HLCS: variants seen among roughly 807,000 people sequenced by gnomAD.
HLCS encodes the protein holocarboxylase synthetase, also known as biotin--protein ligase.
A neutral mutation model predicts 75.0 loss-of-function variants in HLCS; 53 were observed. The observed-to-expected ratio is 0.71, with a 90% CI of 0.57 to 0.89. The LOEUF (loss-of-function observed/expected upper bound fraction) is 0.89, where lower values mean the gene tolerates loss of function less well. Among genes scored for constraint, HLCS ranks in the 40% least tolerant of loss-of-function variants. HLCS has a pLI of 0.00. For missense variants in HLCS, 966 were observed against 1,074.0 expected (o/e 0.90, Z 1.41); for synonymous variants, 431 against 428.6 (o/e 1.01, Z -0.07).
chr21:36,898,446 C>CAAAAAAAAAAAAAAA (rs58625493), intron 5 of HLCS, among the ~76,000 whole-genome samples: 4 of 49,522 alleles, frequency 8.1e-5, no homozygotes, highest in Non-Finnish European at 1.1e-4. Context: ...AACTCCATCT[C>CAAAAAAAAAAAAAAA]AAAAAAAAAA....
intron 4 of HLCS, among the ~76,000 whole-genome samples, chr21:36,932,113 G>C (rs546083815): frequency 2.0e-5 from 3 of 152,184 alleles, no homozygotes; most frequent in South Asian, 4.1e-4. Context: ...TTCCAGCCAC[G>C]CGGCCACCCA....
At chr21:36,789,008 T>C (rs1002594407) in intron 6 of HLCS, among the ~76,000 whole-genome samples, 1 of 152,236 alleles carries the variant, frequency 6.6e-6, no homozygotes, top group Non-Finnish European at 1.5e-5. Flanking sequence ...GCATCTCCTA[T>C]GGCCATAACA....
chr21:36,816,452 G>A (rs538087291), intron 6 of HLCS, among the ~76,000 whole-genome samples: 35 of 151,882 alleles, frequency 2.3e-4, no homozygotes, highest in African/African-American at 7.5e-4. Context: ...ACTTAATAAC[G>A]TATGTCTAGG....
chr21:36,976,891 G>A (rs2068953330), intron 1 of HLCS, among the ~76,000 whole-genome samples: 1 of 151,882 alleles, frequency 6.6e-6, no homozygotes, highest in Non-Finnish European at 1.5e-5. Flanking sequence ...AGGGACACAA[G>A]CCAGATCATC....
chr21:36,805,409 G>A (rs531544668), intron 6 of HLCS, among the ~76,000 whole-genome samples: 7 of 152,282 alleles, frequency 4.6e-5, no homozygotes, highest in Admixed American at 6.5e-5. Context: ...GGCTCCGGGC[G>A]CTGTGTTTAC....
In HLCS at chr21:36,989,314, CTTTTT is replaced by C. The variant is rs35073331; in HGVS notation, c.-393+839_-393+843del. ...GCGTGAGCCACAGTGTCTGGCCCAT[CTTTTT>C]TTTTTTTTTTTTTTTTTTTAATGAG... On this transcript the variant is annotated intron_variant, in intron 1 of 11. Coordinates refer to the HLCS transcript ENST00000336648. 2.1e-3 allele frequency among the ~76,000 whole-genome samples: 166 copies of C among 80,016 alleles called. 2 individuals are homozygous for C. The highest frequency in any genetic ancestry group is 7.3e-3 in the African/African-American group (142 of 19,348). 52.5% of individuals were successfully genotyped at this position (80,016 alleles called of 152,430 possible).
At chr21:36,793,120 G>A (rs759967877) in intron 6 of HLCS, among the ~76,000 whole-genome samples, 50 of 152,040 alleles carry the variant, frequency 3.3e-4, no homozygotes, top group Non-Finnish European at 6.0e-4. Context: ...GAGTTGTTGA[G>A]ATCTTTAGTT....
At chr21:36,872,841 AT>A (rs757681164) in intron 6 of HLCS, among the ~76,000 whole-genome samples, 5 of 152,200 alleles carry the variant, frequency 3.3e-5, no homozygotes, top group Non-Finnish European at 7.3e-5. Flanking sequence ...TTGGGTAAAT[AT>A]CTAGGGATGG....
At position 36,754,108 on chromosome 21, in the gene HLCS, A is replaced by C; in HGVS notation, c.*138T>G. On this transcript the variant is annotated 3_prime_UTR_variant, in exon 11 of 11. Coordinates refer to ENST00000674895, the MANE Select transcript of HLCS (RefSeq NM_001352514.2). ...AAGAAAACGACAACAAAACAAACCT[A>C]AAAACAAACAGAAACACAGAAAAAG... The C allele has an allele frequency of 1.0e-6, 1 of 986,658 alleles. No individual in the cohort carries two copies. 61.1% of individuals were successfully genotyped at this position (986,658 alleles called of 1,614,324 possible).
At chr21:36,976,392 TCACA>T (rs146534374) in intron 1 of HLCS, among the ~76,000 whole-genome samples, 2 of 140,472 alleles carry the variant, frequency 1.4e-5, no homozygotes, top group East Asian at 2.2e-4. Flanking sequence ...AGGAAGTCAG[TCACA>T]CACACACACA....
chr21:36,885,962 G>A (rs1205202840), intron 6 of HLCS, among the ~76,000 whole-genome samples: 1 of 152,154 alleles, frequency 6.6e-6, no homozygotes, highest in African/African-American at 2.4e-5. Context: ...AGGGCCAGCA[G>A]GACCCCATCC....
chr21:36,955,480 A>AT (rs958660967), intron 2 of HLCS, among the ~76,000 whole-genome samples: 5 of 151,626 alleles, frequency 3.3e-5, no homozygotes, highest in Non-Finnish European at 5.9e-5. Context: ...TAAAAACAAA[A>AT]TTTTTTTTTA....
At chr21:36,939,439 G>A (rs1469117469) in intron 2 of HLCS, among the ~76,000 whole-genome samples, 1 of 152,196 alleles carries the variant, frequency 6.6e-6, no homozygotes, top group African/African-American at 2.4e-5. Context: ...GGGAGCACAT[G>A]AGACCTTCAG....
At chr21:36,984,074 A>G (rs1458005182) in intron 1 of HLCS, among the ~76,000 whole-genome samples, 3 of 152,100 alleles carry the variant, frequency 2.0e-5, no homozygotes, top group Non-Finnish European at 4.4e-5. Flanking sequence ...CCTGGCCTCA[A>G]ACGATCTAAC....
intron 6 of HLCS, among the ~76,000 whole-genome samples, chr21:36,806,931 C>T (rs930880543): frequency 7.2e-5 from 11 of 152,208 alleles, no homozygotes; most frequent in African/African-American, 1.2e-4. Context: ...GTGGCTCCGC[C>T]TCCACTTTGT....
At chr21:36,826,445 C>G (rs1282250150) in intron 6 of HLCS, among the ~76,000 whole-genome samples, 1 of 152,196 alleles carries the variant, frequency 6.6e-6, no homozygotes, top group African/African-American at 2.4e-5. Context: ...CTGGAGCAGG[C>G]AGGATCAACC....
intron 6 of HLCS, among the ~76,000 whole-genome samples, chr21:36,831,273 T>C (rs981572473): frequency 7.9e-5 from 12 of 152,326 alleles, no homozygotes; most frequent in African/African-American, 2.6e-4. Flanking sequence ...TGACAAGTTA[T>C]GCAAAACGTT....
intron 2 of HLCS, among the ~76,000 whole-genome samples, chr21:36,951,256 CCT>C (rs2146604861): frequency 6.6e-6 from 1 of 152,316 alleles, no homozygotes; most frequent in South Asian, 2.1e-4. Context: ...CATTCCAGCC[CCT>C]GCTTTCCCCT....
At chr21:36,932,856 G>A (rs757400350) in intron 4 of HLCS, among the ~76,000 whole-genome samples, 14 of 152,182 alleles carry the variant, frequency 9.2e-5, no homozygotes, top group Non-Finnish European at 1.2e-4. Context: ...GGTGGCTCAC[G>A]CCTATAATCC....
Sources: allele counts gnomAD v4.1 joint callset (sites outside exome capture counted in the v4.1 genomes callset), GRCh38; gene constraint gnomAD v4.1.1; transcripts MANE v1.5; gene names NCBI Gene and HGNC (gene_info 2026-07-23, HGNC 2026-07-21).